Variants in MYOF observed in about 807,000 individuals in gnomAD.
MYOF encodes the protein myoferlin, also known as fer-1-like 3, myoferlin.
MYOF carries 244 observed loss-of-function variants against 284.2 expected under a neutral mutation model. That is an observed-to-expected ratio of 0.86 (90% CI 0.77 to 0.95). The LOEUF is 0.95. MYOF is among the 40% of genes least tolerant of loss of function. The pLI, the probability that MYOF is intolerant of heterozygous loss-of-function variation, is 0.00. For missense variants in MYOF, 2,496 were observed against 2,560.6 expected, an observed-to-expected ratio of 0.97 and a Z score of 0.54; for synonymous variants, 904 against 919.7, an observed-to-expected ratio of 0.98 and a Z score of 0.31.
In MYOF at chr10:93,344,041, C is replaced by A. The variant is rs576308550; in HGVS notation, c.4250-109G>T. ...CATAGGGTGGATGGTAGAGTTTATT[C>A]TTGGATGGGACTTACAGAATAGAGA... On this transcript the variant is annotated intron_variant, in intron 37 of 53. Coordinates refer to ENST00000359263, the MANE Select transcript of MYOF (RefSeq NM_013451.4). 3 of 1,138,408 alleles carry A rather than the reference C, an allele frequency of 2.6e-6. No individual in the cohort carries two copies. In the East Asian group the frequency reaches 7.6e-5, roughly 29 times the overall value. 70.5% of individuals were successfully genotyped at this position (1,138,408 alleles called of 1,614,324 possible).
At chr10:93,325,201 T>A (rs1787096736) in intron 46 of MYOF, among the ~76,000 whole-genome samples, 1 of 152,222 alleles carries the variant, frequency 6.6e-6, no homozygotes, top group African/African-American at 2.4e-5. Flanking sequence ...ACATCTTCAT[T>A]ATAACAAGCT....
intron 29 of MYOF, among the ~76,000 whole-genome samples, chr10:93,358,027 T>C (rs1173087143): frequency 6.6e-6 from 1 of 152,104 alleles, no homozygotes; most frequent in Non-Finnish European, 1.5e-5. Context: ...ACCTACAGAA[T>C]GGAAGAAAAT....
At chr10:93,438,457 A>G (rs1459419407) in intron 3 of MYOF, among the ~76,000 whole-genome samples, 7 of 151,990 alleles carry the variant, frequency 4.6e-5, no homozygotes, top group Non-Finnish European at 8.8e-5. Context: ...TCACCCCTCC[A>G]CTTGCACTTG....
At chr10:93,341,959 C>G (rs1258811645) in intron 38 of MYOF, 1 of 1,289,794 alleles carries the variant, frequency 7.8e-7, no homozygotes, top group Admixed American at 2.3e-5. Context: ...TGTTGACATA[C>G]TGCTTAAGCA....
chr10:93,413,689 A>G (rs995397873), intron 5 of MYOF, among the ~76,000 whole-genome samples: 6 of 152,204 alleles, frequency 3.9e-5, no homozygotes, highest in African/African-American at 1.4e-4. Context: ...GACTTAAAAC[A>G]ATAGAAATGT....
chr10:93,326,085 C>T (rs1486162380), intron 45 of MYOF, 120 bp from the exon 46 acceptor site: 2 of 1,277,200 alleles, frequency 1.6e-6, no homozygotes, highest in Non-Finnish European at 2.2e-6. Context: ...GCAGTGCCAA[C>T]ATGCAAACTT....
intron 5 of MYOF, among the ~76,000 whole-genome samples, chr10:93,422,700 G>T (rs138304784): frequency 6.6e-6 from 1 of 152,228 alleles, no homozygotes; most frequent in East Asian, 1.9e-4. Context: ...GGAGGCTGAG[G>T]CATGAGAATC....
chr10:93,417,552 T>TC (rs1378073144), intron 5 of MYOF, among the ~76,000 whole-genome samples: 1 of 151,954 alleles, frequency 6.6e-6, no homozygotes, highest in Non-Finnish European at 1.5e-5. Context: ...CATATCAATG[T>TC]CCCTTCTTCC....
At chr10:93,403,982 A>G in intron 9 of MYOF, 41 bp downstream of exon 9, 4 of 1,599,982 alleles carry the variant, frequency 2.5e-6, no homozygotes, top group Non-Finnish European at 3.4e-6. Flanking sequence ...GAAAGTTCTC[A>G]TCTTTCTGTA....
intron 37 of MYOF, among the ~76,000 whole-genome samples, chr10:93,345,132 C>A (rs1283224509): frequency 6.6e-6 from 1 of 152,202 alleles, no homozygotes; most frequent in Non-Finnish European, 1.5e-5. Flanking sequence ...TTCTGCTTAA[C>A]CACCCTGGCA....
chr10:93,401,472 G>A lies in MYOF; in HGVS notation c.1063C>T (p.Leu355Phe). ...SNLLLPAGIA[L>F]RWVTFLLKIY... ...TTCAGCAAGAAGGTCACCCACCGGA[G>A]GGCAATGCCAGCAGGGAGTAACAAA... The change falls in exon 12 of 54, where the codon CTC becomes TTC. Residue 355 changes from leucine to phenylalanine, a missense_variant. Coordinates refer to ENST00000359263, the MANE Select transcript of MYOF (RefSeq NM_013451.4). 3.1e-6 allele frequency: 5 copies of A among 1,614,156 alleles called. No homozygotes were observed. Among genetic ancestry groups the A allele is most frequent in the Non-Finnish European group, 3.4e-6 (4 of 1,180,020 alleles).
intron 2 of MYOF, among the ~76,000 whole-genome samples, chr10:93,453,956 A>C (rs1373708979): frequency 6.6e-6 from 1 of 152,018 alleles, no homozygotes; most frequent in East Asian, 1.9e-4. Flanking sequence ...GCCAAGGCAG[A>C]TGGATCACCT....
At chr10:93,339,688 C>T (rs930600320) in intron 39 of MYOF, among the ~76,000 whole-genome samples, 3 of 151,574 alleles carry the variant, frequency 2.0e-5, no homozygotes, top group African/African-American at 4.8e-5. Flanking sequence ...AGGCTGATCT[C>T]GAACTCCTGG....
chr10:93,462,784 T>C (rs963230529), intron 1 of MYOF, among the ~76,000 whole-genome samples: 25 of 150,448 alleles, frequency 1.7e-4, no homozygotes, highest in Admixed American at 6.6e-5. Context: ...CAGCAGCCAG[T>C]CACATATTTA....
At chr10:93,408,462 C>T (rs780214713) in intron 7 of MYOF, among the ~76,000 whole-genome samples, 10 of 150,758 alleles carry the variant, frequency 6.6e-5, no homozygotes, top group African/African-American at 1.5e-4. Context: ...ACTTGAACCC[C>T]GGAGGTGGAG....
chr10:93,319,766 G>A lies in MYOF; in HGVS notation c.5598+106C>T, dbSNP rs140640697. 1.9e-3 allele frequency: 2,796 copies of A among 1,475,546 alleles called. 4 individuals carry two copies. Among genetic ancestry groups the A allele is most frequent in the Non-Finnish European group, 2.4e-3 (2,568 of 1,075,600 alleles). The allele number at this position is 1,475,546 out of a possible 1,614,324, so 91.4% of individuals were successfully genotyped here. On this transcript the variant is annotated intron_variant, in intron 49 of 53. Coordinates refer to ENST00000359263, the MANE Select transcript of MYOF (RefSeq NM_013451.4). ...TCCCCATCTCTGCTGAGAAGGAGCC[G>A]GACTCAGTGACCTCCGAGATCCTGA...
At position 93,346,489 on chromosome 10, in the gene MYOF, C is replaced by G. The variant is rs565174492; in HGVS notation, c.4249+1128G>C. Among the ~76,000 whole-genome samples, 5 of 152,352 alleles carry G rather than the reference C, an allele frequency of 3.3e-5. No individual in the cohort carries two copies. In the South Asian group the frequency reaches 1.0e-3, roughly 32 times the overall value. On this transcript the variant is annotated intron_variant, in intron 37 of 53. Coordinates refer to ENST00000359263, the MANE Select transcript of MYOF (RefSeq NM_013451.4). ...TGCACTGATGCAATGTAGCCCCCAG[C>G]CCCTAACACAGTCCCTAGCACATGG...
chr10:93,387,399 C>T (rs928225097), intron 19 of MYOF, among the ~76,000 whole-genome samples: 2 of 152,194 alleles, frequency 1.3e-5, no homozygotes, highest in Non-Finnish European at 2.9e-5. Context: ...AAGGAGGAAG[C>T]GGGGTTCACA....
chr10:93,456,811 T>G, intron 2 of MYOF, 71 bp downstream of exon 2: 1 of 1,153,806 alleles, frequency 8.7e-7, no homozygotes, highest in African/African-American at 1.5e-5. Context: ...AGAGGTAACC[T>G]CTCACCCAAA....
Sources: gnomAD v4.1 joint callset for allele counts (sites outside exome capture counted in the v4.1 genomes callset) on GRCh38, gnomAD v4.1.1 for gene constraint, MANE v1.5 for transcripts, NCBI Gene and HGNC (gene_info 2026-07-23, HGNC 2026-07-21) for gene names.